The following CNTNAP2 variants were observed in gnomAD, a reference collection of about 807,000 sequenced individuals.
CNTNAP2 encodes contactin associated protein 2, also known as contactin-associated protein-like 2.
A neutral mutation model predicts 155.2 loss-of-function variants in CNTNAP2; 98 were observed. The ratio of observed to expected loss-of-function variants is 0.63; its 90% CI spans 0.54 to 0.75. CNTNAP2 has a LOEUF of 0.75. Ranked by LOEUF, CNTNAP2 falls within the 30% of genes least tolerant of loss-of-function variation. The pLI is 0.00. For missense variants in CNTNAP2, 1,727 were observed against 1,688.1 expected (o/e 1.02, Z -0.40); for synonymous variants, 651 against 631.2 (o/e 1.03, Z -0.47).
chr7:146,155,858 CCTGA>C (rs1272601184), intron 1 of CNTNAP2, among the ~76,000 whole-genome samples: 3 of 151,794 alleles, frequency 2.0e-5, no homozygotes, highest in Non-Finnish European at 4.4e-5. Context: ...CACCACCATG[CCTGA>C]CTAATTTTTT....
chr7:148,113,181 G>A (rs1053151461), intron 15 of CNTNAP2, among the ~76,000 whole-genome samples: 1 of 152,186 alleles, frequency 6.6e-6, no homozygotes, highest in Non-Finnish European at 1.5e-5. Flanking sequence ...TTGGTTCACA[G>A]TTCCCGCAGG....
intron 16 of CNTNAP2, among the ~76,000 whole-genome samples, chr7:148,136,008 G>GAAGT (rs1804935904): frequency 1.9e-5 from 1 of 51,498 alleles, no homozygotes; most frequent in African/African-American, 8.6e-5. Flanking sequence ...AGGAAGGAAG[G>GAAGT]AAGGAAGGAA....
intron 1 of CNTNAP2, among the ~76,000 whole-genome samples, chr7:146,447,722 T>A (rs535624974): frequency 2.0e-5 from 3 of 152,094 alleles, no homozygotes; most frequent in South Asian, 2.1e-4. Context: ...GAAGTATTTA[T>A]TTTAATAGTT....
At chr7:147,112,394 T>C (rs1050168326) in intron 5 of CNTNAP2, among the ~76,000 whole-genome samples, 4 of 152,146 alleles carry the variant, frequency 2.6e-5, no homozygotes, top group African/African-American at 9.6e-5. Context: ...CTGGCCAGGA[T>C]AGCCAATACT....
At chr7:147,478,227 A>T (rs923094220) in intron 10 of CNTNAP2, among the ~76,000 whole-genome samples, 1 of 151,656 alleles carries the variant, frequency 6.6e-6, no homozygotes, top group African/African-American at 2.4e-5. Flanking sequence ...ATCTCGGCTC[A>T]CTGCAACCTC....
intron 5 of CNTNAP2, among the ~76,000 whole-genome samples, chr7:147,116,652 GCC>G (rs1428026351): frequency 2.0e-5 from 3 of 152,194 alleles, no homozygotes; most frequent in Non-Finnish European, 4.4e-5. Flanking sequence ...ACTCTCCAAA[GCC>G]CACAGGCTGT....
intron 9 of CNTNAP2, among the ~76,000 whole-genome samples, chr7:147,344,576 T>C (rs1014258261): frequency 6.6e-6 from 1 of 152,224 alleles, no homozygotes; most frequent in Non-Finnish European, 1.5e-5. Context: ...TCAAATGTGC[T>C]GTTAAAGGGT....
rs1797490473 is a variant in CNTNAP2 at position 146,116,861 on chromosome 7, G to A, written c.-16G>A. ...CGCAGCGAGCTCTTGGAGCGCCGCC[G>A]GCCGGGAGGCGAAGGATGCAGGCGG... On this transcript the variant is annotated 5_prime_UTR_variant, in exon 1 of 24. Transcript: ENST00000361727. The surrounding 1 kb of genome is among the most constrained non-coding windows in gnomAD (Gnocchi z 5.5). 6.5e-7 allele frequency: 1 copy of A among 1,538,070 alleles called. No homozygotes were observed. The highest frequency in any genetic ancestry group is 2.5e-5 in the East Asian group (1 of 40,658).
chr7:146,839,892 T>A lies in CNTNAP2; in HGVS notation c.390T>A (p.Asp130Glu), dbSNP rs1413930857. The change falls in exon 3 of 24, where the codon GAT (aspartate) becomes GAA (glutamate). Residue 130 changes from aspartate to glutamate, a missense_variant. By Grantham distance (45) the Asp-to-Glu change is conservative (BLOSUM62 2). Transcript: ENST00000361727. The part of the protein sequence containing the change: ...TGRNWKPYHQ[D>E]GNIWAFPGNI... ...GAAACTGGAAACCCTATCATCAAGA[T>A]GGGAATATCTGGGTAAGTCATTGGC... 7 of 1,614,126 alleles carry A rather than the reference T, an allele frequency of 4.3e-6. No individual in the cohort carries two copies. Among genetic ancestry groups the A allele is most frequent in the Admixed American group, 1.7e-5 (1 of 60,016 alleles).
chr7:147,680,795 A>G (rs984155905), intron 13 of CNTNAP2, among the ~76,000 whole-genome samples: 1 of 151,654 alleles, frequency 6.6e-6, no homozygotes, highest in Admixed American at 6.6e-5. Flanking sequence ...ATTATACAAT[A>G]CATTATAATA....
intron 21 of CNTNAP2, among the ~76,000 whole-genome samples, chr7:148,372,084 C>T (rs1344925357): frequency 6.6e-6 from 1 of 151,956 alleles, no homozygotes; most frequent in Admixed American, 6.6e-5. Flanking sequence ...TGCCTGTAGT[C>T]CCAGCTACTC....
At position 148,415,585 on chromosome 7, in the gene CNTNAP2, T is replaced by C. The variant is rs770332632; in HGVS notation, c.3965T>C (p.Ile1322Thr). 5.6e-6 allele frequency: 9 copies of C among 1,614,020 alleles called. No individual in the cohort carries two copies. Among genetic ancestry groups the C allele is most frequent in the Admixed American group, 3.3e-5 (2 of 59,990 alleles). The change falls in exon 24 of 24, where the codon ATT becomes ACT. Residue 1322 changes from isoleucine to threonine, a missense_variant. Coordinates refer to ENST00000361727, the MANE Select transcript of CNTNAP2 (RefSeq NM_014141.6). ...AACGACCCCAACTTCACAGAGACCATTGATGAAAGCAAAAAGGAATGGCTC... is the reference window on the plus strand; with the variant it reads ...AACGACCCCAACTTCACAGAGACCACTGATGAAAGCAAAAAGGAATGGCTC... ...MNNDPNFTET[I>T]DESKKEWLI is the part of the protein sequence containing the mutation.
At chr7:147,122,956 C>A (rs2129283148) in intron 6 of CNTNAP2, 1 of 151,936 alleles carries the variant, frequency 6.6e-6, no homozygotes, top group Admixed American at 6.6e-5. Context: ...GCTGTGTTTT[C>A]TATTATCTTT....
intron 13 of CNTNAP2, among the ~76,000 whole-genome samples, chr7:147,802,330 G>C (rs1307741193): frequency 6.8e-6 from 1 of 147,282 alleles, no homozygotes; most frequent in African/African-American, 2.5e-5. Context: ...CATCCCAGAC[G>C]ATGGGCGGCC....
chr7:146,482,143 G>A (rs1380560611), intron 1 of CNTNAP2, among the ~76,000 whole-genome samples: 3 of 144,350 alleles, frequency 2.1e-5, no homozygotes, highest in African/African-American at 7.8e-5. Context: ...CCTAGTGGGT[G>A]CTTCATAAAA....
intron 13 of CNTNAP2, among the ~76,000 whole-genome samples, chr7:147,772,283 G>A (rs1026309737): frequency 1.3e-5 from 2 of 150,860 alleles, no homozygotes; most frequent in Non-Finnish European, 3.0e-5. Context: ...AACCAGCCTG[G>A]CATGGCGCCT....
intron 3 of CNTNAP2, among the ~76,000 whole-genome samples, chr7:146,969,980 A>G (rs990117303): frequency 1.8e-4 from 27 of 152,204 alleles, no homozygotes; most frequent in African/African-American, 4.8e-4. Context: ...TATTTAATAA[A>G]TGGTGCTGGG....
At chr7:146,754,156 C>T (rs1007595108) in intron 1 of CNTNAP2, among the ~76,000 whole-genome samples, 4 of 151,872 alleles carry the variant, frequency 2.6e-5, no homozygotes, top group African/African-American at 9.7e-5. Context: ...TTAAGGCAAC[C>T]ACCCATGAAA....
intron 14 of CNTNAP2, chr7:147,940,274 CTG>C (rs1800694506): frequency 7.7e-6 from 1 of 130,688 alleles, no homozygotes; most frequent in African/African-American, 2.9e-5. Flanking sequence ...GCACTCCAGT[CTG>C]GATACCATAG....
Sources: gnomAD v4.1 joint callset for allele counts (sites outside exome capture counted in the v4.1 genomes callset) on GRCh38, gnomAD v4.1.1 for gene constraint, Gnocchi (gnomAD v3.1) non-coding constraint, MANE v1.5 for transcripts, NCBI Gene and HGNC (gene_info 2026-07-23, HGNC 2026-07-21) for gene names.